Variants in NCAPG observed in about 807,000 individuals in gnomAD.
The protein encoded by NCAPG is condensin complex subunit 3.
In NCAPG, 69 loss-of-function variants were observed where a neutral mutation model predicts 113.1. The ratio of observed to expected loss-of-function variants is 0.61; its 90% confidence interval spans 0.50 to 0.75. The LOEUF (loss-of-function observed/expected upper bound fraction) is 0.75. Ranked by LOEUF, NCAPG falls within the 30% of genes least tolerant of loss-of-function variation. NCAPG has a pLI of 0.00. For missense variants in NCAPG, 1,058 were observed against 1,177.0 expected, an observed-to-expected ratio of 0.90 and a Z score of 1.48; for synonymous variants, 370 against 415.8, an observed-to-expected ratio of 0.89 and a Z score of 1.34.
intron 6 of NCAPG, 66 bp downstream of exon 6, chr4:17,817,519 T>C (rs1360398653): frequency 7.6e-6 from 10 of 1,310,334 alleles, no homozygotes; most frequent in Non-Finnish European, 1.1e-5. Flanking sequence ...TTGTTTTTTT[T>C]CCTCCCCATA....
intron 18 of NCAPG, 55 bp from the exon 19 acceptor site, chr4:17,840,547 CAATTT>C: frequency 9.7e-7 from 1 of 1,035,352 alleles, no homozygotes; most frequent in Non-Finnish European, 1.3e-6. Flanking sequence ...CTTAAAAAGA[CAATTT>C]AAAATATTTC....
intron 11 of NCAPG, among the ~76,000 whole-genome samples, chr4:17,826,906 T>C (rs1412139199): frequency 1.3e-5 from 2 of 152,242 alleles, no homozygotes; most frequent in African/African-American, 2.4e-5. Context: ...CAAATGTGAA[T>C]TCATTCTTTT....
Position 17,840,587 on chromosome 4 carries a change from T to C in NCAPG, c.2768-20T>C. On this transcript the variant is annotated intron_variant, in intron 18 of 20. Transcript: ENST00000251496. ...CATGAGGTTATCTTATTTATATTGT[T>C]GTATTATTCCCTTTAATAGAAAAGA... The C allele has an allele frequency of 7.7e-7, 1 of 1,298,982 alleles. No individual in the cohort carries two copies. Among genetic ancestry groups the C allele is most frequent in the South Asian group, 1.8e-5 (1 of 55,322 alleles). The allele number at this position is 1,298,982 out of a possible 1,614,324, so 80.5% of individuals were successfully genotyped here. A position where few individuals can be genotyped will look rare whatever the true frequency, so the allele number is the denominator to read the frequency against.
chr4:17,817,817 C>T (rs1335811463), intron 6 of NCAPG, 122 bp from the exon 7 acceptor site: 3 of 959,878 alleles, frequency 3.1e-6, no homozygotes, highest in Non-Finnish European at 4.4e-6. Flanking sequence ...ACATTAATGA[C>T]TCTAATTAAA....
At position 17,831,000 on chromosome 4, in the gene NCAPG, C is replaced by T. The variant is rs930494467; in HGVS notation, c.1768C>T (p.Leu590Phe). 7 of 1,610,250 alleles carry T rather than the reference C, an allele frequency of 4.3e-6. No individual in the cohort carries two copies. The highest frequency in any genetic ancestry group is 5.1e-6 in the Non-Finnish European group (6 of 1,178,122). ...TMNGIIESLI[L>F]PGIISIHPVV... ...GAAAATTTCTGATTCATTTTAGATT[C>T]TTCCTGGAATAATAAGTATTCATCC... The change falls in exon 13 of 21, where the codon CTT becomes TTT. Residue 590 changes from leucine to phenylalanine, a missense_variant. Physicochemically the swap from Leu to Phe is conservative, Grantham distance 22. Coordinates refer to ENST00000251496, the MANE Select transcript of NCAPG (RefSeq NM_022346.5).
intron 15 of NCAPG, 119 bp from the exon 16 acceptor site, chr4:17,837,508 C>T (rs913276613): frequency 2.2e-6 from 3 of 1,333,448 alleles, no homozygotes; most frequent in Non-Finnish European, 3.1e-6. Context: ...ATTTTTGGCT[C>T]TTTCCTAGAT....
chr4:17,813,383 G>T, intron 3 of NCAPG: 2 of 309,702 alleles, frequency 6.5e-6, no homozygotes, highest in South Asian at 8.8e-5. Flanking sequence ...CTCAGTTTGG[G>T]GTTAATTAGT....
At chr4:17,819,533 C>T (rs1274453235) in intron 7 of NCAPG, among the ~76,000 whole-genome samples, 1 of 152,042 alleles carries the variant, frequency 6.6e-6, no homozygotes, top group African/African-American at 2.4e-5. Context: ...TCCTGAGTAG[C>T]TGGGACTACA....
intron 13 of NCAPG, among the ~76,000 whole-genome samples, chr4:17,831,521 G>A (rs1382508011): frequency 1.3e-5 from 2 of 152,124 alleles, no homozygotes; most frequent in Non-Finnish European, 2.9e-5. Flanking sequence ...AAATAAAGCA[G>A]AGAAGGGGAT....
chr4:17,812,248 G>A lies in NCAPG; in HGVS notation c.139G>A (p.Glu47Lys), dbSNP rs145386902. ...GGATGATAAGACAGTTTTTCATGAGGAGTTCATTCATTACCTTAAATATGT... is the reference window on the plus strand; with the variant it reads ...GGATGATAAGACAGTTTTTCATGAGAAGTTCATTCATTACCTTAAATATGT... ...TMDDKTVFHE[E>K]FIHYLKYVMV... The change falls in exon 2 of 21, where the codon GAG becomes AAG. Residue 47 changes from glutamate to lysine, a missense_variant. By Grantham distance (56) the Glu-to-Lys change is moderately conservative. Transcript: ENST00000251496. 244 of 1,613,046 alleles carry A rather than the reference G, an allele frequency of 1.5e-4. 1 individual carries two copies. In the East Asian group the frequency reaches 5.4e-3, roughly 36 times the overall value.
rs1344037793 is a variant in NCAPG at position 17,844,562 on chromosome 4, G to A, written c.*1137G>A. On this transcript the variant is annotated 3_prime_UTR_variant, in exon 21 of 21. Coordinates refer to ENST00000251496, the MANE Select transcript of NCAPG (RefSeq NM_022346.5). ...ATAGTTATTAAGCAAAAGGAAAAAT[G>A]GTAATGATAGAAAGTCAGTTAAAAA... is the stretch of plus-strand genomic sequence containing the variant. 6.6e-6 allele frequency: 1 copy of A among 152,372 alleles called. No homozygotes were observed. The highest frequency in any genetic ancestry group is 2.4e-5 in the African/African-American group (1 of 41,422). 9.4% of individuals were successfully genotyped at this position (152,372 alleles called of 1,614,324 possible).
chr4:17,834,435 GTGA>G lies in NCAPG; in HGVS notation c.2028_2030del (p.Asp676del), dbSNP rs1722000140. 1 of 1,611,500 alleles carries G rather than the reference GTGA, an allele frequency of 6.2e-7. No individual in the cohort carries two copies. The highest frequency in any genetic ancestry group is 8.5e-7 in the Non-Finnish European group (1 of 1,178,672). ...CATTGTGAAGGTACAGAAATAAACA[GTGA>G]TGATGAGCAAGAATCAAAAGAAGTT... On this transcript the variant is annotated inframe_deletion, in exon 14 of 21. Transcript: ENST00000251496.
intron 8 of NCAPG, 123 bp from the exon 9 acceptor site, chr4:17,823,524 T>G: frequency 2.4e-6 from 2 of 827,272 alleles, no homozygotes; most frequent in Non-Finnish European, 3.7e-6. Context: ...TTGTACCTAT[T>G]ATAGTGATAA....
chr4:17,821,344 G>T (rs1305040785), intron 7 of NCAPG, among the ~76,000 whole-genome samples: 1 of 151,810 alleles, frequency 6.6e-6, no homozygotes, highest in African/African-American at 2.4e-5. Context: ...TAATCTTGTG[G>T]CCAGAAATTT....
At position 17,814,911 on chromosome 4, in the gene NCAPG, A is replaced by T; in HGVS notation, c.603A>T (p.Ser201=). 6.2e-7 allele frequency: 1 copy of T among 1,614,218 alleles called. No individual in the cohort carries two copies. Residue 201 remains serine, a synonymous_variant, in exon 4 of 21, where the codon TCA becomes TCT. Transcript: ENST00000251496. The part of the protein sequence containing the change: ...SNPEVRRAVL[S]CIAPSAKTLP... ...CAGAAGTTAGACGGGCAGTGTTATCATGTATTGCACCATCAGCAAAGACTT... is the reference window on the plus strand; with the variant it reads ...CAGAAGTTAGACGGGCAGTGTTATCTTGTATTGCACCATCAGCAAAGACTT...
intron 18 of NCAPG, 36 bp downstream of exon 18, chr4:17,840,245 T>C: frequency 6.7e-7 from 1 of 1,485,414 alleles, no homozygotes; most frequent in Non-Finnish European, 8.9e-7. Context: ...TATAAGGTTC[T>C]GTTTTTTTTT....
At chr4:17,839,613 G>T in intron 16 of NCAPG, 63 bp from the exon 17 acceptor site, 2 of 1,178,462 alleles carry the variant, frequency 1.7e-6, no homozygotes, top group Admixed American at 3.1e-5. Flanking sequence ...TGTTAGATGT[G>T]TAAGACTATA....
rs1722698833 is a variant in NCAPG at position 17,844,151 on chromosome 4, A to G, written c.*726A>G. ...AAAATAATATTTATTTACTGTGGAT[A>G]ATAATTCTAGTGGGAATATAATGTG... On this transcript the variant is annotated 3_prime_UTR_variant, in exon 21 of 21. Coordinates refer to ENST00000251496, the MANE Select transcript of NCAPG (RefSeq NM_022346.5). The G allele has an allele frequency of 2.0e-5, 3 of 152,056 alleles. No individual in the cohort carries two copies. The highest frequency in any genetic ancestry group is 2.0e-4 in the Admixed American group (3 of 15,238). 9.4% of individuals were successfully genotyped at this position (152,056 alleles called of 1,614,324 possible). A position where few individuals can be genotyped will look rare whatever the true frequency, so the allele number is the denominator to read the frequency against.
intron 7 of NCAPG, among the ~76,000 whole-genome samples, chr4:17,820,671 A>G (rs1721419578): frequency 1.3e-5 from 2 of 152,238 alleles, no homozygotes; most frequent in African/African-American, 4.8e-5. Context: ...CCTAAAAAAT[A>G]GAATGAGTGT....
Sources: gnomAD v4.1 joint callset for allele counts (sites outside exome capture counted in the v4.1 genomes callset) on GRCh38, gnomAD v4.1.1 for gene constraint, MANE v1.5 for transcripts, NCBI Gene and HGNC (gene_info 2026-07-23, HGNC 2026-07-21) for gene names.